PIGK: variants seen among roughly 807,000 people sequenced by gnomAD.
PIGK encodes GPI-anchor transamidase.
A neutral mutation model predicts 50.6 loss-of-function variants in PIGK; 42 were observed. That is an observed-to-expected ratio of 0.83 (90% confidence interval 0.65 to 1.07). The LOEUF (loss-of-function observed/expected upper bound fraction) is 1.07, where lower values mean the gene tolerates loss of function less well. Among genes scored for constraint, PIGK ranks in the 50% least tolerant of loss-of-function variants. The probability of loss-of-function intolerance (pLI) is 0.00; values close to 1 mark genes in which losing one functional copy is unlikely to be tolerated. For synonymous variants in PIGK, 151 were observed against 156.0 expected (o/e 0.97, Z 0.24); for missense variants, 448 against 488.7 (o/e 0.92, Z 0.78).
intron 10 of PIGK, among the ~76,000 whole-genome samples, chr1:77,109,922 A>C (rs970176735): frequency 5.9e-5 from 9 of 152,302 alleles, no homozygotes; most frequent in Admixed American, 2.0e-4. Context: ...TCTCAGGATA[A>C]AAAATCAATG....
At chr1:77,182,527 TA>T (rs1173627076) in intron 3 of PIGK, among the ~76,000 whole-genome samples, 15 of 150,232 alleles carry the variant, frequency 1.0e-4, no homozygotes, top group South Asian at 2.1e-4. Context: ...TATCTATCTG[TA>T]CACACACACA....
chr1:77,200,315 T>C (rs921113873), intron 3 of PIGK, among the ~76,000 whole-genome samples: 18 of 151,898 alleles, frequency 1.2e-4, no homozygotes, highest in Admixed American at 1.2e-3. Flanking sequence ...CATGAAATAA[T>C]AAAGTCTTAG....
In PIGK at chr1:77,166,808, C is replaced by T. The variant is rs147088906; in HGVS notation, c.398G>A (p.Arg133Gln). The change falls in exon 5 of 11, where the codon CGG (arginine) becomes CAG (glutamine). Residue 133 changes from arginine to glutamine, a missense_variant. Transcript: ENST00000370812. ...SYEVTVENFL[R>Q]VLTGRIPPST... ...AGGTGGGATCCTCCCAGTTAATACC[C>T]GTAAAAAATTCTCCACAGTTACCTA... 62 of 1,585,702 alleles carry T rather than the reference C, an allele frequency of 3.9e-5. No individual in the cohort carries two copies. Among genetic ancestry groups the T allele is most frequent in the Non-Finnish European group, 4.8e-5 (56 of 1,161,450 alleles).
At chr1:77,158,142 G>A (rs574271034) in intron 8 of PIGK, among the ~76,000 whole-genome samples, 15 of 152,118 alleles carry the variant, frequency 9.9e-5, no homozygotes, top group South Asian at 4.2e-4. Context: ...TCAGCCTCCC[G>A]AGTAGCTGGG....
At chr1:77,163,125 C>T (rs780734344) in intron 6 of PIGK, among the ~76,000 whole-genome samples, 3 of 152,090 alleles carry the variant, frequency 2.0e-5, no homozygotes, top group Admixed American at 6.6e-5. Context: ...ATAATCAGTG[C>T]CTAGTAAAAG....
chr1:77,135,119 T>C (rs936632989), intron 9 of PIGK, among the ~76,000 whole-genome samples: 1 of 152,134 alleles, frequency 6.6e-6, no homozygotes, highest in Admixed American at 6.5e-5. Context: ...TGGCTCAAGT[T>C]TATTGATTAT....
intron 9 of PIGK, among the ~76,000 whole-genome samples, chr1:77,144,508 A>G (rs933831350): frequency 6.6e-6 from 1 of 151,928 alleles, no homozygotes; most frequent in African/African-American, 2.4e-5. Flanking sequence ...ATATTAATAA[A>G]CATTAGTTGG....
chr1:77,138,077 C>G (rs1376440594), intron 9 of PIGK, among the ~76,000 whole-genome samples: 1 of 152,088 alleles, frequency 6.6e-6, no homozygotes, highest in Non-Finnish European at 1.5e-5. Flanking sequence ...CCTGTATTGT[C>G]CACTTTCCTG....
intron 3 of PIGK, chr1:77,195,157 G>A: frequency 8.1e-7 from 1 of 1,237,778 alleles, no homozygotes; most frequent in Non-Finnish European, 1.2e-6. Context: ...CATTGCCAAT[G>A]AGATTGGGTC....
At chr1:77,116,601 T>TGC (rs1653979182) in intron 10 of PIGK, among the ~76,000 whole-genome samples, 1 of 133,940 alleles carries the variant, frequency 7.5e-6, no homozygotes, top group African/African-American at 3.0e-5. Context: ...TGTGTGCGCG[T>TGC]GTGTGTGTGT....
intron 3 of PIGK, among the ~76,000 whole-genome samples, chr1:77,196,358 G>A (rs1482315660): frequency 6.6e-6 from 1 of 152,122 alleles, no homozygotes; most frequent in Non-Finnish European, 1.5e-5. Flanking sequence ...AATGGGATTG[G>A]TGGGTCAAAT....
intron 5 of PIGK, among the ~76,000 whole-genome samples, chr1:77,166,368 A>AAAGT (rs1655232767): frequency 6.6e-6 from 1 of 152,182 alleles, no homozygotes; most frequent in Non-Finnish European, 1.5e-5. Context: ...AAACCATTAT[A>AAAGT]AAGTTTTAAG....
chr1:77,122,868 T>C (rs1403148203), intron 9 of PIGK, among the ~76,000 whole-genome samples: 2 of 152,216 alleles, frequency 1.3e-5, no homozygotes, highest in Non-Finnish European at 2.9e-5. Flanking sequence ...CTTTATTTAT[T>C]CTTCTTTTTA....
At chr1:77,116,379 G>A (rs970418784) in intron 10 of PIGK, among the ~76,000 whole-genome samples, 4 of 152,024 alleles carry the variant, frequency 2.6e-5, no homozygotes, top group Non-Finnish European at 4.4e-5. Context: ...TAGAGACGGG[G>A]TTTCACCATG....
At chr1:77,186,489 A>G (rs1570249446) in intron 3 of PIGK, among the ~76,000 whole-genome samples, 1 of 152,340 alleles carries the variant, frequency 6.6e-6, no homozygotes, top group East Asian at 1.9e-4. Flanking sequence ...AAGAAGCATG[A>G]TTGGAAAATT....
At chr1:77,145,834 T>C (rs1294354263) in intron 9 of PIGK, among the ~76,000 whole-genome samples, 1 of 152,022 alleles carries the variant, frequency 6.6e-6, no homozygotes, top group Non-Finnish European at 1.5e-5. Context: ...GTAATAGTGG[T>C]ATAAAGATAG....
chr1:77,193,336 A>C (rs1201007472), intron 3 of PIGK, among the ~76,000 whole-genome samples: 1 of 151,670 alleles, frequency 6.6e-6, no homozygotes, highest in Non-Finnish European at 1.5e-5. Flanking sequence ...AGGAAAAGAG[A>C]ATTACAATGG....
chr1:77,157,154 G>C (rs1440832243), intron 8 of PIGK, among the ~76,000 whole-genome samples: 1 of 152,148 alleles, frequency 6.6e-6, no homozygotes, highest in Non-Finnish European at 1.5e-5. Context: ...ACATAGTGCT[G>C]TGAATACAGC....
At chr1:77,167,653 G>A (rs1397051638) in intron 4 of PIGK, among the ~76,000 whole-genome samples, 1 of 151,934 alleles carries the variant, frequency 6.6e-6, no homozygotes, top group Non-Finnish European at 1.5e-5. Context: ...GCTGAGGCAG[G>A]AGGATCACTT....
Sources: allele counts gnomAD v4.1 joint callset (sites outside exome capture counted in the v4.1 genomes callset), GRCh38; gene constraint gnomAD v4.1.1; transcripts MANE v1.5; gene names NCBI Gene and HGNC (gene_info 2026-07-23, HGNC 2026-07-21).